Variants in SHISA6 observed in about 807,000 individuals in gnomAD.
SHISA6 encodes protein shisa-6.
SHISA6 carries 22 observed loss-of-function variants against 47.9 expected under a neutral mutation model. The ratio of observed to expected loss-of-function variants is 0.46; its 90% CI spans 0.33 to 0.66. SHISA6 has a LOEUF of 0.66. SHISA6 is among the 30% of genes least tolerant of loss of function. SHISA6 has a pLI of 0.02. For missense variants in SHISA6, 680 were observed against 764.6 expected, an observed-to-expected ratio of 0.89 and a Z score of 1.30; for synonymous variants, 388 against 337.8, an observed-to-expected ratio of 1.15 and a Z score of -1.63.
chr17:11,386,139 G>A (rs764093959), intron 3 of SHISA6, among the ~76,000 whole-genome samples: 36 of 152,148 alleles, frequency 2.4e-4, no homozygotes, highest in Non-Finnish European at 4.6e-4. Flanking sequence ...CAAGTGGGAG[G>A]CCAAGGAGGG....
At chr17:11,288,235 A>C (rs952987180) in intron 2 of SHISA6, 2 of 152,210 alleles carry the variant, frequency 1.3e-5, no homozygotes, top group Non-Finnish European at 2.9e-5. Context: ...ACCTTCTTTT[A>C]TTGCTGCAAT....
intron 3 of SHISA6, among the ~76,000 whole-genome samples, chr17:11,412,137 C>T (rs1435413214): frequency 6.6e-6 from 1 of 152,094 alleles, no homozygotes; most frequent in East Asian, 1.9e-4. Context: ...GTTTAAATAT[C>T]CTTTCCACTT....
chr17:11,328,992 A>G (rs1252125615), intron 2 of SHISA6, among the ~76,000 whole-genome samples: 1 of 152,246 alleles, frequency 6.6e-6, no homozygotes, highest in Non-Finnish European at 1.5e-5. Context: ...GATGATAACA[A>G]TAAATCAAAA....
intron 3 of SHISA6, among the ~76,000 whole-genome samples, chr17:11,502,893 G>C (rs182379591): frequency 6.6e-6 from 1 of 152,164 alleles, no homozygotes; most frequent in Admixed American, 6.5e-5. Context: ...TTTTGGATGG[G>C]TTTGGGCACA....
intron 3 of SHISA6, among the ~76,000 whole-genome samples, chr17:11,424,945 T>G (rs1182552544): frequency 7.1e-6 from 1 of 141,392 alleles, no homozygotes; most frequent in Admixed American, 7.7e-5. Flanking sequence ...AGGCAGAGCT[T>G]GCAGTCAGCA....
At chr17:11,302,800 C>T (rs1909973962) in intron 2 of SHISA6, among the ~76,000 whole-genome samples, 1 of 151,304 alleles carries the variant, frequency 6.6e-6, no homozygotes. Flanking sequence ...AACAGCCCTA[C>T]CCAGGGACCG....
At chr17:11,485,166 T>A (rs965040959) in intron 3 of SHISA6, among the ~76,000 whole-genome samples, 4 of 152,112 alleles carry the variant, frequency 2.6e-5, no homozygotes, top group African/African-American at 9.7e-5. Flanking sequence ...AGATGAGGTG[T>A]TTTTATTATT....
chr17:11,376,608 G>A (rs1912810847), intron 2 of SHISA6, among the ~76,000 whole-genome samples: 1 of 152,236 alleles, frequency 6.6e-6, no homozygotes, highest in Non-Finnish European at 1.5e-5. Context: ...ACAGACGTGA[G>A]CCACTGCGCC....
intron 2 of SHISA6, among the ~76,000 whole-genome samples, chr17:11,298,858 G>A (rs2142175522): frequency 6.6e-6 from 1 of 152,280 alleles, no homozygotes; most frequent in South Asian, 2.1e-4. Flanking sequence ...GGAGAGTGAG[G>A]AGCCTAGCTT....
At chr17:11,412,840 T>C (rs544383167) in intron 3 of SHISA6, among the ~76,000 whole-genome samples, 2 of 152,148 alleles carry the variant, frequency 1.3e-5, no homozygotes, top group East Asian at 1.9e-4. Flanking sequence ...TTCCTTTACA[T>C]GCTGGCAGGC....
At chr17:11,508,444 A>G (rs2071518168) in intron 3 of SHISA6, among the ~76,000 whole-genome samples, 1 of 97,984 alleles carries the variant, frequency 1.0e-5, no homozygotes, top group South Asian at 3.7e-4. Context: ...ATCACCTCTT[A>G]AAGGACCTAC....
chr17:11,345,558 T>C (rs1167761668), intron 2 of SHISA6, among the ~76,000 whole-genome samples: 1 of 152,124 alleles, frequency 6.6e-6, no homozygotes, highest in Non-Finnish European at 1.5e-5. Flanking sequence ...GTAAATCAAT[T>C]TGGGGAATTT....
At chr17:11,277,280 T>TCTCTCTCTCTCTCTCACACACACACA (rs1386997909) in intron 2 of SHISA6, among the ~76,000 whole-genome samples, 1 of 53,926 alleles carries the variant, frequency 1.9e-5, no homozygotes, top group Non-Finnish European at 3.4e-5. Flanking sequence ...TCTCTCTCTC[T>TCTCTCTCTCTCTCTCACACACACACA]CACACACACA....
At position 11,563,447 on chromosome 17, in the gene SHISA6, C is replaced by T. The variant is rs1462267815; in HGVS notation, c.*5143C>T. ...GAGTCCAAGTTTGTGATATTCAAAC[C>T]CATCTTGTAAATCAGCAAACACATT... On this transcript the variant is annotated 3_prime_UTR_variant, in exon 6 of 6. Transcript: ENST00000441885. 1.3e-5 allele frequency: 2 copies of T among 152,110 alleles called. No individual in the cohort carries two copies. Among genetic ancestry groups the T allele is most frequent in the Non-Finnish European group, 2.9e-5 (2 of 68,012 alleles). The allele number at this position is 152,110 out of a possible 1,614,324, so 9.4% of individuals were successfully genotyped here. A position where few individuals can be genotyped will look rare whatever the true frequency, so the allele number is the denominator to read the frequency against.
intron 2 of SHISA6, among the ~76,000 whole-genome samples, chr17:11,357,187 C>CA (rs60564976): frequency 0.45 from 40,233 of 89,580 alleles, 10,025 homozygotes; most frequent in East Asian, 0.68. Context: ...GACTCCGTCT[C>CA]AAAAAAAAAA....
At chr17:11,511,563 A>G (rs1275722911) in intron 3 of SHISA6, among the ~76,000 whole-genome samples, 2 of 151,622 alleles carry the variant, frequency 1.3e-5, no homozygotes, top group African/African-American at 4.8e-5. Flanking sequence ...AAAATGTGGT[A>G]TAGCCCCCAC....
At chr17:11,495,929 A>T (rs1268784568) in intron 3 of SHISA6, among the ~76,000 whole-genome samples, 1 of 152,192 alleles carries the variant, frequency 6.6e-6, no homozygotes, top group Non-Finnish European at 1.5e-5. Flanking sequence ...CATCTGGAGA[A>T]GTCCCAAAAT....
At chr17:11,455,683 C>T (rs1431663108) in intron 3 of SHISA6, among the ~76,000 whole-genome samples, 1 of 152,128 alleles carries the variant, frequency 6.6e-6, no homozygotes, top group Admixed American at 6.6e-5. Flanking sequence ...TTTCCTTTTC[C>T]CTGACACCCC....
rs970780308 is a variant in SHISA6 at position 11,558,570 on chromosome 17, A to G, written c.*266A>G. On this transcript the variant is annotated 3_prime_UTR_variant, in exon 6 of 6. Coordinates refer to ENST00000441885, the MANE Select transcript of SHISA6 (RefSeq NM_207386.4). ...GGGAGTGAGGAGGGGGCTAGGCCCCATTCTCACCCCCGACCACCTTCACCA... is the reference window on the plus strand; with the variant it reads ...GGGAGTGAGGAGGGGGCTAGGCCCCGTTCTCACCCCCGACCACCTTCACCA... 1.0e-4 allele frequency: 53 copies of G among 514,330 alleles called. No homozygotes were observed. The highest frequency in any genetic ancestry group is 1.0e-3 in the Middle Eastern group (2 of 1,940). 31.9% of individuals were successfully genotyped at this position (514,330 alleles called of 1,614,324 possible).
Sources: gnomAD v4.1 joint callset for allele counts (sites outside exome capture counted in the v4.1 genomes callset) on GRCh38, gnomAD v4.1.1 for gene constraint, MANE v1.5 for transcripts, NCBI Gene and HGNC (gene_info 2026-07-23, HGNC 2026-07-21) for gene names.